The following RPS14 variants were observed in gnomAD, a reference collection of about 807,000 sequenced individuals.
RPS14 encodes the protein small ribosomal subunit protein uS11.
RPS14 carries 1 observed loss-of-function variant against 15.4 expected under a neutral mutation model. The observed-to-expected ratio is 0.07, with a 90% CI of 0.02 to 0.31. The LOEUF is 0.31. Ranked by LOEUF, RPS14 falls within the 10% of genes least tolerant of loss-of-function variation. The pLI, the probability that RPS14 is intolerant of heterozygous loss-of-function variation, is 1.00. For missense variants in RPS14, 69 were observed against 205.5 expected, an observed-to-expected ratio of 0.34 and a Z score of 4.06; for synonymous variants, 68 against 74.4, an observed-to-expected ratio of 0.91 and a Z score of 0.44.
At chr5:150,447,036 A>G in intron 2 of RPS14, 73 bp from the exon 3 acceptor site, 1 of 1,540,588 alleles carries the variant, frequency 6.5e-7, no homozygotes, top group Non-Finnish European at 8.9e-7. Flanking sequence ...ATGAGTGAAG[A>G]GCAACACAGC....
rs965078285 is a variant in RPS14, at chr5:150,443,348, C to CA, written c.*937dup. 47 of 152,290 alleles carry CA rather than the reference C, an allele frequency of 3.1e-4. No individual in the cohort carries two copies. Among genetic ancestry groups the CA allele is most frequent in the African/African-American group, 1.1e-3 (44 of 41,544 alleles). 9.4% of individuals were successfully genotyped at this position (152,290 alleles called of 1,614,324 possible). A position where few individuals can be genotyped will look rare whatever the true frequency, so the allele number is the denominator to read the frequency against. On this transcript the variant is annotated 3_prime_UTR_variant, in exon 5 of 5. Transcript: ENST00000407193. ...ACTGTTATTTCATCAGGTTAAGATT[C>CA]AATGTTGTTATTAAAATCCCTAGCA...
At position 150,445,662 on chromosome 5, in the gene RPS14, GC is replaced by G; in HGVS notation, c.334del (p.Ala112ProfsTer13). The G allele has an allele frequency of 6.2e-7, 1 of 1,610,192 alleles. No individual in the cohort carries two copies. Among genetic ancestry groups the G allele is most frequent in the Admixed American group, 1.7e-5 (1 of 58,102 alleles). ...GNRTKTPGPG[A>X]QSALRALARS... ...GGCAAGGGCTCTGAGGGCCGACTGG[GC>G]CCCAGGTCCAGGGGTCTTGGTCCTA... On this transcript the variant is annotated frameshift_variant, in exon 4 of 5. Transcript: ENST00000407193. LOFTEE classifies it high-confidence loss of function.
rs746638225 is a variant in RPS14 at position 150,445,631 on chromosome 5, C to T, written c.366G>A (p.Ser122=). 50 of 1,612,892 alleles carry T rather than the reference C, an allele frequency of 3.1e-5. No individual in the cohort carries two copies. Among genetic ancestry groups the T allele is most frequent in the Middle Eastern group, 1.7e-4 (1 of 6,054 alleles). Reference sequence around the variant, plus strand: ...TACCAATCCGCCCGATCTTCATACCCGAGCGGGCAAGGGCTCTGAGGGCCG... The same window carrying T: ...TACCAATCCGCCCGATCTTCATACCTGAGCGGGCAAGGGCTCTGAGGGCCG... ...AQSALRALAR[S]GMKIGRIEDV... Residue 122 remains serine, a synonymous_variant, in exon 4 of 5, where the codon TCG becomes TCA. Transcript: ENST00000407193.
In RPS14 at chr5:150,447,866, T is replaced by C. The variant is rs568571104; in HGVS notation, c.-2-131A>G. 3.3e-5 allele frequency: 34 copies of C among 1,023,502 alleles called. No homozygotes were observed. In the African/African-American group the frequency reaches 5.1e-4, roughly 15 times the overall value. 63.4% of individuals were successfully genotyped at this position (1,023,502 alleles called of 1,614,324 possible). On this transcript the variant is annotated intron_variant, in intron 1 of 4. Transcript: ENST00000407193. ...TCTTCCATCCAATACTCTACTGTAT[T>C]CTCTCATTTCTGCCTCACTAAAACT...
intron 3 of RPS14, 131 bp from the exon 4 acceptor site, chr5:150,445,816 A>C: frequency 2.8e-6 from 2 of 720,438 alleles, no homozygotes; most frequent in Non-Finnish European, 4.8e-6. Flanking sequence ...AGGGCTGTAC[A>C]CAGTGGTTCA....
intron 1 of RPS14, chr5:150,449,017 C>T (rs1169274970): frequency 1.3e-5 from 2 of 152,236 alleles, no homozygotes; most frequent in Non-Finnish European, 2.9e-5. Context: ...TATGTTTCGG[C>T]ATGATGGCCA....
At chr5:150,444,575 G>A (rs1366345061) in intron 4 of RPS14, 4 of 675,278 alleles carry the variant, frequency 5.9e-6, no homozygotes, top group African/African-American at 5.3e-5. Flanking sequence ...GAAACAGGCT[G>A]AGCTGTGCGC....
rs935807318 is a variant in RPS14 at position 150,446,406 on chromosome 5, C to T, written c.311+396G>A. On this transcript the variant is annotated intron_variant, in intron 3 of 4. Transcript: ENST00000407193. The surrounding 1 kb of genome is among the most constrained non-coding windows in gnomAD (Gnocchi z 4.2). ...CTTATTTCACTGGAAGGACTCCGGA[C>T]TTATCATTTAGACCCTAGTTTAAAT... 2.0e-5 allele frequency among the ~76,000 whole-genome samples: 3 copies of T among 152,200 alleles called. No homozygotes were observed. Among genetic ancestry groups the T allele is most frequent in the Admixed American group, 2.0e-4 (3 of 15,268 alleles).
chr5:150,446,740 T>TG lies in RPS14; in HGVS notation c.311+61dup, dbSNP rs1178735432. 1 of 1,553,744 alleles carries TG rather than the reference T, an allele frequency of 6.4e-7. No individual in the cohort carries two copies. The highest frequency in any genetic ancestry group is 2.3e-5 in the East Asian group (1 of 44,436). On this transcript the variant is annotated intron_variant, in intron 3 of 4. Coordinates refer to ENST00000407193, the MANE Select transcript of RPS14 (RefSeq NM_005617.4). The surrounding 1 kb of genome is among the most constrained non-coding windows in gnomAD (Gnocchi z 4.2). ...AAAAAACCCAAACCTCAAATCCAGG[T>TG]GCTCCAGCACCCAAGCCCAGCAGGT... is the stretch of plus-strand genomic sequence containing the variant.
At chr5:150,445,477 C>T in intron 4 of RPS14, 132 bp downstream of exon 4, 4 of 811,664 alleles carry the variant, frequency 4.9e-6, no homozygotes, top group Non-Finnish European at 8.7e-6. Context: ...GTGCCTCTTG[C>T]AGCCTCCCTT....
Position 150,446,199 on chromosome 5 carries a change from A to G in RPS14, c.312-514T>C, listed in dbSNP as rs1384562268. Among the ~76,000 whole-genome samples, 5 of 152,066 alleles carry G rather than the reference A, an allele frequency of 3.3e-5. No homozygotes were observed. Among genetic ancestry groups the G allele is most frequent in the African/African-American group, 9.6e-5 (4 of 41,454 alleles). Reference sequence around the variant, plus strand: ...TGTCTGGCTTGTTCACGCAACAGTCATCTATTTCAGCTTTCATGCCCCCAT... The same window carrying G: ...TGTCTGGCTTGTTCACGCAACAGTCGTCTATTTCAGCTTTCATGCCCCCAT... On this transcript the variant is annotated intron_variant, in intron 3 of 4. Coordinates refer to ENST00000407193, the MANE Select transcript of RPS14 (RefSeq NM_005617.4). This position sits in a 1 kb window ranked among gnomAD's most constrained non-coding sequence, Gnocchi z 4.2.
At chr5:150,447,061 GGAT>G in intron 2 of RPS14, 98 bp from the exon 3 acceptor site, 4 of 1,433,284 alleles carry the variant, frequency 2.8e-6, no homozygotes, top group Non-Finnish European at 3.8e-6. Flanking sequence ...TCATGGTGGA[GGAT>G]GATGGTCATG....
chr5:150,444,861 CAA>C (rs58978883), intron 4 of RPS14, among the ~76,000 whole-genome samples: 2 of 138,120 alleles, frequency 1.4e-5, no homozygotes, highest in African/African-American at 2.6e-5. Context: ...CTCCCCGCTA[CAA>C]AAAAAAAAAG....
At chr5:150,445,500 T>G in intron 4 of RPS14, 109 bp downstream of exon 4, 1 of 1,041,114 alleles carries the variant, frequency 9.6e-7, no homozygotes, top group Non-Finnish European at 1.5e-6. Flanking sequence ...CAAACTTAAC[T>G]GCCAAAAGTG....
At chr5:150,445,808 G>A in intron 3 of RPS14, 123 bp from the exon 4 acceptor site, 1 of 765,674 alleles carries the variant, frequency 1.3e-6, no homozygotes, top group Non-Finnish European at 2.2e-6. Context: ...AGCCAGACAG[G>A]GCTGTACACA....
In RPS14 at chr5:150,445,594, GA is replaced by G. The variant is rs1241455910; in HGVS notation, c.388+14del. 6.2e-7 allele frequency: 1 copy of G among 1,612,372 alleles called. No individual in the cohort carries two copies. Among genetic ancestry groups the G allele is most frequent in the Admixed American group, 1.7e-5 (1 of 59,894 alleles). The stretch of plus-strand genomic sequence containing the variant: ...TCAAAATAAACCCAAGCATTAGCTA[GA>G]GGGGGGCACTTACCAATCCGCCCGA... On this transcript the variant is annotated intron_variant, in intron 4 of 4. Coordinates refer to ENST00000407193, the MANE Select transcript of RPS14 (RefSeq NM_005617.4).
rs1028309403 is a variant in RPS14, at chr5:150,443,965, C to T, written c.*321G>A. 5.3e-6 allele frequency: 1 copy of T among 189,340 alleles called. No individual in the cohort carries two copies. Among genetic ancestry groups the T allele is most frequent in the South Asian group, 1.1e-4 (1 of 8,778 alleles). The allele number at this position is 189,340 out of a possible 1,614,324, so 11.7% of individuals were successfully genotyped here. A position where few individuals can be genotyped will look rare whatever the true frequency, so the allele number is the denominator to read the frequency against. Reference sequence around the variant, plus strand: ...TGGAAGGCTCCTCTTTCGCTTCAGGCTACACTTGGATCAACAGTTCCCACT... The same window carrying T: ...TGGAAGGCTCCTCTTTCGCTTCAGGTTACACTTGGATCAACAGTTCCCACT... On this transcript the variant is annotated 3_prime_UTR_variant, in exon 5 of 5. Transcript: ENST00000407193.
intron 2 of RPS14, 103 bp downstream of exon 2, chr5:150,447,482 A>C: frequency 8.4e-7 from 1 of 1,185,152 alleles, no homozygotes; most frequent in Non-Finnish European, 1.2e-6. Flanking sequence ...ACCTGGACAA[A>C]ACAGCATTTC....
At chr5:150,448,584 A>C (rs1174189131) in intron 1 of RPS14, 1 of 152,224 alleles carries the variant, frequency 6.6e-6, no homozygotes, top group Non-Finnish European at 1.5e-5. Flanking sequence ...TTTTCAGAAG[A>C]CACTAACACT....
Sources: gnomAD v4.1 joint callset for allele counts (sites outside exome capture counted in the v4.1 genomes callset) on GRCh38, gnomAD v4.1.1 for gene constraint, Gnocchi (gnomAD v3.1) non-coding constraint, MANE v1.5 for transcripts, NCBI Gene and HGNC (gene_info 2026-07-23, HGNC 2026-07-21) for gene names.